Variants in DRC7 observed in about 807,000 individuals in gnomAD.
The protein encoded by DRC7 is coiled-coil domain containing 135.
In DRC7, 80 loss-of-function variants were observed where a neutral mutation model predicts 104.4. The ratio of observed to expected loss-of-function variants is 0.77; its 90% CI spans 0.64 to 0.92. DRC7 has a LOEUF of 0.92. Among genes scored for constraint, DRC7 ranks in the 40% least tolerant of loss-of-function variants. The pLI, the probability that DRC7 is intolerant of heterozygous loss-of-function variation, is 0.00. For synonymous variants in DRC7, 405 were observed against 447.3 expected (o/e 0.91, Z 1.19); for missense variants, 1,034 against 1,141.1 (o/e 0.91, Z 1.35).
At chr16:57,719,486 G>A (rs1397549781) in intron 9 of DRC7, among the ~76,000 whole-genome samples, 5 of 151,952 alleles carry the variant, frequency 3.3e-5, no homozygotes, top group Non-Finnish European at 7.4e-5. Context: ...GTCCTAATCT[G>A]TTCTTATAAG....
chr16:57,721,631 C>T, intron 9 of DRC7, 36 bp from the exon 10 acceptor site: 1 of 1,542,880 alleles, frequency 6.5e-7, no homozygotes. Context: ...ACACCCTGAC[C>T]AGCACCACCT....
In DRC7 at chr16:57,727,316, G is replaced by A. The variant is rs944175940; in HGVS notation, c.2103G>A (p.Lys701=). ...CATTTCAGGTGCTGGAGATTCTGAA[G>A]CTTCGAGAGGAAGAGGAGGCGGCGC... The part of the protein sequence containing the change: ...ESELEVLEIL[K]LREEEEAAHT... The change falls in exon 16 of 19, where the codon AAG becomes AAA. Residue 701 remains lysine, a synonymous_variant. Coordinates refer to ENST00000360716, the MANE Select transcript of DRC7 (RefSeq NM_001289162.2). The A allele has an allele frequency of 6.2e-7, 1 of 1,613,286 alleles. No homozygotes were observed. The highest frequency in any genetic ancestry group is 1.7e-5 in the Admixed American group (1 of 60,016).
At chr16:57,709,981 G>T (rs2048776588) in intron 8 of DRC7, among the ~76,000 whole-genome samples, 1 of 152,052 alleles carries the variant, frequency 6.6e-6, no homozygotes, top group Admixed American at 6.6e-5. Context: ...TTGCAATGTT[G>T]CCCAGGTTGG....
In DRC7 at chr16:57,702,095, C is replaced by A. The variant is rs752330277; in HGVS notation, c.664C>A (p.Arg222=). The stretch of plus-strand genomic sequence containing the variant: ...GGACCTGTGCCACATGGACCTGACG[C>A]GGGAGGTGTGCCCACTCACTGTGAA... The part of the protein sequence containing the change: ...SLDLCHMDLT[R]EVCPLTVKPK... The change falls in exon 6 of 19, where the codon CGG becomes AGG. Residue 222 remains arginine (R), a synonymous_variant. Transcript: ENST00000360716. The A allele has an allele frequency of 6.2e-6, 10 of 1,614,136 alleles. No individual in the cohort carries two copies. Among genetic ancestry groups the A allele is most frequent in the Non-Finnish European group, 8.5e-6 (10 of 1,180,010 alleles).
In DRC7 at chr16:57,707,636, G is replaced by C. The variant is rs1164690502; in HGVS notation, c.1035G>C (p.Lys345Asn). 1.2e-6 allele frequency: 2 copies of C among 1,613,442 alleles called. No individual in the cohort carries two copies. The highest frequency in any genetic ancestry group is 1.7e-6 in the Non-Finnish European group (2 of 1,180,028). ...GCATCGAAAGCCTGTGGAACCACAA[G>C]AACTACTGGATCAACATGCAGGATT... ...FLGIESLWNH[K>N]NYWINMQDCW... The change falls in exon 8 of 19, where the codon AAG becomes AAC. Residue 345 changes from lysine (K) to asparagine (N), a missense_variant. Transcript: ENST00000360716.
At chr16:57,717,167 A>G (rs2048851577) in intron 8 of DRC7, among the ~76,000 whole-genome samples, 2 of 151,404 alleles carry the variant, frequency 1.3e-5, no homozygotes, top group African/African-American at 4.8e-5. Context: ...CAAAAAAAAA[A>G]AGAAAAGAAA....
chr16:57,721,790 C>A, intron 10 of DRC7, 51 bp downstream of exon 10: 2 of 1,454,532 alleles, frequency 1.4e-6, no homozygotes, highest in South Asian at 1.2e-5. Context: ...AGTTCCTGGG[C>A]CTCCAGAGAG....
chr16:57,702,251 G>C, intron 6 of DRC7, 121 bp downstream of exon 6: 1 of 947,254 alleles, frequency 1.1e-6, no homozygotes, highest in Admixed American at 2.3e-5. Flanking sequence ...CGCGGACACA[G>C]ATCCCTCACC....
At chr16:57,706,827 TCCATCCTCCCATCCAC>T (rs1248128154) in intron 7 of DRC7, among the ~76,000 whole-genome samples, 1 of 141,882 alleles carries the variant, frequency 7.0e-6, no homozygotes, top group Admixed American at 6.9e-5. Context: ...CTCCCATCCA[TCCATCCTCCCATCCAC>T]CCATCCTCCC....
At position 57,723,066 on chromosome 16, in the gene DRC7, C is replaced by T. The variant is rs139772185; in HGVS notation, c.1473C>T (p.His491=). The change falls in exon 12 of 19, where the codon CAC becomes CAT. Residue 491 remains histidine (H), a synonymous_variant. Coordinates refer to ENST00000360716, the MANE Select transcript of DRC7 (RefSeq NM_001289162.2). Reference sequence around the variant, plus strand: ...GGGAAGACATGCTGGAGCTGAAACACATAAACAAGACCACAGACCTGAAGA... The same window carrying T: ...GGGAAGACATGCTGGAGCTGAAACATATAAACAAGACCACAGACCTGAAGA... The part of the protein sequence containing the change: ...QNREDMLELK[H]INKTTDLKTD... 9.9e-5 allele frequency: 159 copies of T among 1,613,894 alleles called. No homozygotes were observed. Among genetic ancestry groups the T allele is most frequent in the Non-Finnish European group, 1.3e-4 (151 of 1,180,004 alleles).
intron 1 of DRC7, among the ~76,000 whole-genome samples, chr16:57,695,327 CA>C (rs1356484962): frequency 6.7e-6 from 1 of 149,364 alleles, no homozygotes; most frequent in Non-Finnish European, 1.5e-5. Context: ...TACAGGGGTT[CA>C]AATCCCAGAC....
chr16:57,718,716 G>A (rs1418264109), intron 9 of DRC7, among the ~76,000 whole-genome samples: 7 of 152,162 alleles, frequency 4.6e-5, no homozygotes, highest in African/African-American at 1.7e-4. Context: ...AGGACTTGAC[G>A]TCAGGTCTTC....
Position 57,731,511 on chromosome 16 carries a change from T to G in DRC7, c.*253T>G. 1 of 540,018 alleles carries G rather than the reference T, an allele frequency of 1.9e-6. No individual in the cohort carries two copies. Among genetic ancestry groups the G allele is most frequent in the South Asian group, 2.2e-5 (1 of 46,348 alleles). 33.5% of individuals were successfully genotyped at this position (540,018 alleles called of 1,614,324 possible). A position where few individuals can be genotyped will look rare whatever the true frequency, so the allele number is the denominator to read the frequency against. ...GCAGCCTTTCTCTTCTTCTGTTATC[T>G]ATAGCCTGGGACCACCCCCTTCCTC... On this transcript the variant is annotated 3_prime_UTR_variant, in exon 19 of 19. Coordinates refer to ENST00000360716, the MANE Select transcript of DRC7 (RefSeq NM_001289162.2).
At chr16:57,706,324 C>T (rs1239277885) in intron 7 of DRC7, among the ~76,000 whole-genome samples, 1 of 147,582 alleles carries the variant, frequency 6.8e-6, no homozygotes, top group Admixed American at 6.8e-5. Flanking sequence ...TCCAGCCATC[C>T]TTCCTTCCAT....
chr16:57,710,589 G>T (rs191451980), intron 8 of DRC7, among the ~76,000 whole-genome samples: 1 of 152,154 alleles, frequency 6.6e-6, no homozygotes, highest in Non-Finnish European at 1.5e-5. Context: ...AGAGCATTTA[G>T]TCTGATACCA....
At position 57,698,946 on chromosome 16, in the gene DRC7, C is replaced by A. The variant is rs747153990; in HGVS notation, c.300C>A (p.Asn100Lys). 1.2e-6 allele frequency: 2 copies of A among 1,613,948 alleles called. No individual in the cohort carries two copies. The highest frequency in any genetic ancestry group is 1.7e-6 in the Non-Finnish European group (2 of 1,180,022). ...AACACCTGCTGCAGGTGGCAGACAA[C>A]TTCTCCCGCCAGTACAGCCATCTGT... ...KEEHLLQVAD[N>K]FSRQYSHLCP... Residue 100 changes from asparagine (N) to lysine (K), a missense_variant, in exon 4 of 19, where the codon AAC becomes AAA. Physicochemically the swap from Asn to Lys is moderately conservative, Grantham distance 94 (BLOSUM62 0). Coordinates refer to ENST00000360716, the MANE Select transcript of DRC7 (RefSeq NM_001289162.2).
chr16:57,728,827 T>A (rs1466303416), intron 17 of DRC7, among the ~76,000 whole-genome samples: 2 of 147,684 alleles, frequency 1.4e-5, no homozygotes, highest in Non-Finnish European at 3.0e-5. Flanking sequence ...GGTGGGTGGA[T>A]GGATGGATGG....
At chr16:57,730,782 G>C in intron 17 of DRC7, 149 bp from the exon 18 acceptor site, 2 of 784,704 alleles carry the variant, frequency 2.5e-6, no homozygotes, top group East Asian at 5.1e-5. Context: ...CCCTGCCTCT[G>C]TGGCAGGTAT....
intron 8 of DRC7, among the ~76,000 whole-genome samples, chr16:57,715,149 G>A (rs2048828870): frequency 6.6e-6 from 1 of 152,136 alleles, no homozygotes; most frequent in Non-Finnish European, 1.5e-5. Flanking sequence ...CCGGGTTCAA[G>A]TGATCTTCTC....
Sources: gnomAD v4.1 joint callset for allele counts (sites outside exome capture counted in the v4.1 genomes callset) on GRCh38, gnomAD v4.1.1 for gene constraint, MANE v1.5 for transcripts, NCBI Gene and HGNC (gene_info 2026-07-23, HGNC 2026-07-21) for gene names.